The following PRKG1 variants were observed in gnomAD, a reference collection of about 807,000 sequenced individuals.
The protein encoded by PRKG1 is cGMP-dependent protein kinase 1.
A neutral mutation model predicts 88.1 loss-of-function variants in PRKG1; 35 were observed. The ratio of observed to expected loss-of-function variants is 0.40; its 90% confidence interval spans 0.30 to 0.53. PRKG1 has a LOEUF of 0.53. PRKG1 is among the 20% of genes least tolerant of loss of function. The probability of loss-of-function intolerance (pLI) is 0.59; values close to 1 mark genes in which losing one functional copy is unlikely to be tolerated. For synonymous variants in PRKG1, 303 were observed against 292.5 expected, an observed-to-expected ratio of 1.04 and a Z score of -0.37; for missense variants, 540 against 839.8, an observed-to-expected ratio of 0.64 and a Z score of 4.41.
chr10:52,082,400 C>T (rs1846800776), intron 7 of PRKG1, among the ~76,000 whole-genome samples: 1 of 152,114 alleles, frequency 6.6e-6, no homozygotes, highest in Non-Finnish European at 1.5e-5. Context: ...TGTGCTTAAA[C>T]ATGTTTAACA....
chr10:52,174,765 A>G (rs1838811947), intron 9 of PRKG1, among the ~76,000 whole-genome samples: 2 of 152,042 alleles, frequency 1.3e-5, no homozygotes, highest in South Asian at 4.1e-4. Flanking sequence ...TGAAGCACAT[A>G]TATTCCTAGA....
At chr10:51,599,469 T>C (rs1838541525) in intron 3 of PRKG1, among the ~76,000 whole-genome samples, 1 of 152,230 alleles carries the variant, frequency 6.6e-6, no homozygotes, top group African/African-American at 2.4e-5. Context: ...ACTTTTCTTC[T>C]AATTTAATAT....
chr10:51,715,033 T>C (rs924436719), intron 3 of PRKG1, among the ~76,000 whole-genome samples: 1 of 152,186 alleles, frequency 6.6e-6, no homozygotes, highest in African/African-American at 2.4e-5. Flanking sequence ...GATGTGCATA[T>C]ATATATATGA....
intron 5 of PRKG1, among the ~76,000 whole-genome samples, chr10:52,012,297 A>G (rs1844908383): frequency 6.7e-6 from 1 of 150,284 alleles, no homozygotes; most frequent in Non-Finnish European, 1.5e-5. Context: ...GCTGGAGTAA[A>G]GTGGCACAAT....
At chr10:51,983,516 G>T (rs1040003842) in intron 5 of PRKG1, among the ~76,000 whole-genome samples, 10 of 152,184 alleles carry the variant, frequency 6.6e-5, no homozygotes, top group Non-Finnish European at 1.2e-4. Flanking sequence ...AGACCAAGGG[G>T]TGCTTAGACT....
intron 9 of PRKG1, among the ~76,000 whole-genome samples, chr10:52,172,633 A>G (rs1838736132): frequency 6.6e-6 from 1 of 152,198 alleles, no homozygotes; most frequent in Admixed American, 6.5e-5. Context: ...TCTATCTACA[A>G]TTCCTTTTCT....
chr10:51,102,913 A>G (rs541977042), intron 1 of PRKG1, among the ~76,000 whole-genome samples: 74 of 152,274 alleles, frequency 4.9e-4, no homozygotes, highest in South Asian at 1.0e-3. Context: ...AACTTTTTAA[A>G]GCAATCATCT....
chr10:52,019,157 G>A (rs1350622044), intron 5 of PRKG1, among the ~76,000 whole-genome samples: 1 of 151,998 alleles, frequency 6.6e-6, no homozygotes, highest in African/African-American at 2.4e-5. Context: ...CTAATGGAGT[G>A]GGAACTCAGT....
chr10:51,332,542 G>T (rs211068), intron 2 of PRKG1, among the ~76,000 whole-genome samples: 81,393 of 151,940 alleles, frequency 0.54, 21,884 homozygotes, highest in Middle Eastern at 0.57. Context: ...ATGGGCAGTT[G>T]GGTTAGAGGG....
chr10:51,617,258 A>G (rs867702419), intron 3 of PRKG1, among the ~76,000 whole-genome samples: 1 of 152,082 alleles, frequency 6.6e-6, no homozygotes, highest in African/African-American at 2.4e-5. Context: ...GGCTTGCTTT[A>G]GGTATGCCTT....
chr10:51,005,891 C>T (rs1484560250), intron 1 of PRKG1, among the ~76,000 whole-genome samples: 1 of 152,116 alleles, frequency 6.6e-6, no homozygotes, highest in African/African-American at 2.4e-5. Flanking sequence ...ATTGTCTATT[C>T]GTTGTTCAGT....
intron 5 of PRKG1, among the ~76,000 whole-genome samples, chr10:51,955,548 C>T (rs1306417772): frequency 6.6e-6 from 1 of 152,090 alleles, no homozygotes; most frequent in Admixed American, 6.6e-5. Context: ...AAGTAGCACT[C>T]AAATGAAGAT....
chr10:51,447,684 A>G (rs1430727284), intron 2 of PRKG1, among the ~76,000 whole-genome samples: 1 of 151,782 alleles, frequency 6.6e-6, no homozygotes, highest in African/African-American at 2.4e-5. Context: ...TCTACCACAT[A>G]CCACCATTTC....
At chr10:51,461,905 C>G (rs150116190) in intron 2 of PRKG1, among the ~76,000 whole-genome samples, 192 of 152,262 alleles carry the variant, frequency 1.3e-3, no homozygotes, top group African/African-American at 4.3e-3. Context: ...ACAGCACCCC[C>G]CATCTAAAAT....
At chr10:52,043,761 C>T (rs2133234617) in intron 5 of PRKG1, among the ~76,000 whole-genome samples, 1 of 151,364 alleles carries the variant, frequency 6.6e-6, no homozygotes. Context: ...GAACATTACA[C>T]ATGTATATAT....
intron 8 of PRKG1, among the ~76,000 whole-genome samples, chr10:52,156,787 G>GTT (rs1444699022): frequency 2.0e-5 from 3 of 151,708 alleles, no homozygotes; most frequent in Admixed American, 2.0e-4. Context: ...GAAACCTTGG[G>GTT]CTTAGCTAAG....
intron 1 of PRKG1, among the ~76,000 whole-genome samples, chr10:51,019,882 T>G (rs755120070): frequency 6.6e-6 from 1 of 151,832 alleles, no homozygotes; most frequent in Non-Finnish European, 1.5e-5. Flanking sequence ...AAATGACCAA[T>G]AAGCATATAA....
chr10:52,109,043 G>T (rs1314215593), intron 7 of PRKG1, among the ~76,000 whole-genome samples: 1 of 151,992 alleles, frequency 6.6e-6, no homozygotes, highest in Non-Finnish European at 1.5e-5. Context: ...GGCCAGGCTG[G>T]TCTTGAACTC....
Position 52,107,015 on chromosome 10 carries a change from A to G in PRKG1, c.936-26825A>G, listed in dbSNP as rs148160441. On this transcript the variant is annotated intron_variant, in intron 7 of 17. Coordinates refer to ENST00000373980, the MANE Select transcript of PRKG1 (RefSeq NM_006258.4). Reference sequence around the variant, plus strand: ...AAGCTTTGCTTTATCTTTAAATGTCATGGGATGTCCTGATCCTCCATAGTC... The same window carrying G: ...AAGCTTTGCTTTATCTTTAAATGTCGTGGGATGTCCTGATCCTCCATAGTC... 1.6e-4 allele frequency among the ~76,000 whole-genome samples: 25 copies of G among 152,282 alleles called. No homozygotes were observed. In the East Asian group the frequency reaches 4.6e-3, roughly 28 times the overall value.
Sources: allele counts gnomAD v4.1 joint callset (sites outside exome capture counted in the v4.1 genomes callset), GRCh38; gene constraint gnomAD v4.1.1; transcripts MANE v1.5; gene names NCBI Gene and HGNC (gene_info 2026-07-23, HGNC 2026-07-21).